The following NCAM1 variants were observed in gnomAD, a reference collection of about 807,000 sequenced individuals.
NCAM1 encodes the protein antigen recognized by monoclonal antibody 5.1H11.
NCAM1 carries 14 observed loss-of-function variants against 109.8 expected under a neutral mutation model. The observed-to-expected ratio is 0.13, with a 90% CI of 0.08 to 0.20. NCAM1 has a LOEUF of 0.20. Among genes scored for constraint, NCAM1 ranks in the 10% least tolerant of loss-of-function variants. NCAM1 has a pLI of 1.00. For missense variants in NCAM1, 774 were observed against 1,109.9 expected (o/e 0.70, Z 4.30); for synonymous variants, 418 against 442.9 (o/e 0.94, Z 0.70).
intron 1 of NCAM1, 127 bp downstream of exon 1, chr11:112,961,791 C>A: frequency 1.5e-6 from 1 of 682,000 alleles, no homozygotes; most frequent in Non-Finnish European, 2.5e-6. Context: ...TTTCGTTTAG[C>A]TGTGAAAGGA....
chr11:113,008,399 T>C (rs114121766), intron 1 of NCAM1, among the ~76,000 whole-genome samples: 1,711 of 152,316 alleles, frequency 0.011, 27 homozygotes, highest in African/African-American at 0.039. Flanking sequence ...TACATGGCTA[T>C]AATGAATGTA....
intron 1 of NCAM1, among the ~76,000 whole-genome samples, chr11:113,191,729 A>G (rs2136723991): frequency 6.6e-6 from 1 of 151,238 alleles, no homozygotes; most frequent in Middle Eastern, 3.4e-3. Context: ...GTACATACAT[A>G]GATATACACA....
intron 1 of NCAM1, among the ~76,000 whole-genome samples, chr11:112,982,719 G>A (rs17114644): frequency 0.02 from 2,977 of 151,942 alleles, 67 homozygotes; most frequent in East Asian, 0.095. Flanking sequence ...CAGGTGAGGC[G>A]CATGGTAAGA....
At chr11:113,200,495 T>C (rs1216113647) in intron 1 of NCAM1, among the ~76,000 whole-genome samples, 7 of 152,206 alleles carry the variant, frequency 4.6e-5, no homozygotes, top group Non-Finnish European at 7.3e-5. Flanking sequence ...TGGAAACGTT[T>C]TGCCCTCTGT....
At chr11:113,123,298 A>G (rs1270734079) in intron 1 of NCAM1, among the ~76,000 whole-genome samples, 3 of 152,212 alleles carry the variant, frequency 2.0e-5, no homozygotes, top group Non-Finnish European at 4.4e-5. Flanking sequence ...TATTGTATGT[A>G]TGCATCAAAA....
At chr11:113,225,182 T>C (rs1214097411) in intron 9 of NCAM1, among the ~76,000 whole-genome samples, 1 of 151,886 alleles carries the variant, frequency 6.6e-6, no homozygotes, top group Non-Finnish European at 1.5e-5. Context: ...TCAAAAACCT[T>C]GAAAAAAGAT....
At chr11:113,150,928 G>A (rs782194487) in intron 1 of NCAM1, among the ~76,000 whole-genome samples, 1 of 152,160 alleles carries the variant, frequency 6.6e-6, no homozygotes, top group Non-Finnish European at 1.5e-5. Flanking sequence ...TTATGGGAGA[G>A]GAAGCCCAGA....
chr11:113,104,308 G>T (rs1419364428), intron 1 of NCAM1, among the ~76,000 whole-genome samples: 1 of 151,626 alleles, frequency 6.6e-6, no homozygotes, highest in Admixed American at 6.6e-5. Context: ...GATTTATACT[G>T]CCCTACTACA....
chr11:113,146,672 C>A lies in NCAM1; in HGVS notation c.53-55707C>A, dbSNP rs1265201861. Among the ~76,000 whole-genome samples, 3 of 152,306 alleles carry A rather than the reference C, an allele frequency of 2.0e-5. No homozygotes were observed. The East Asian group carries it at 5.8e-4, about 29-fold the overall frequency. ...GCTTCTAGTGAATGATTGTGAGATA[C>A]TGGGGCCAGGGCAGCGATGGAGTTG... On this transcript the variant is annotated intron_variant, in intron 1 of 19. Coordinates refer to ENST00000316851, the MANE Select transcript of NCAM1 (RefSeq NM_181351.5).
At chr11:113,150,777 A>G (rs782555761) in intron 1 of NCAM1, among the ~76,000 whole-genome samples, 8 of 152,148 alleles carry the variant, frequency 5.3e-5, no homozygotes, top group Non-Finnish European at 1.2e-4. Context: ...GTATCAGGAG[A>G]CCTTGTGAAG....
intron 1 of NCAM1, among the ~76,000 whole-genome samples, chr11:113,048,195 G>C (rs1436027998): frequency 6.6e-6 from 1 of 152,188 alleles, no homozygotes; most frequent in Non-Finnish European, 1.5e-5. Flanking sequence ...TTAAAATATT[G>C]AGGAGGGAAA....
At chr11:113,184,103 A>G (rs747196267) in intron 1 of NCAM1, among the ~76,000 whole-genome samples, 10 of 152,240 alleles carry the variant, frequency 6.6e-5, no homozygotes, top group Non-Finnish European at 1.5e-4. Flanking sequence ...TTTTCTTTAA[A>G]GTGAAGCAAA....
At chr11:112,968,751 G>C (rs549371547) in intron 1 of NCAM1, among the ~76,000 whole-genome samples, 1 of 152,284 alleles carries the variant, frequency 6.6e-6, no homozygotes, top group East Asian at 1.9e-4. Flanking sequence ...TGGGTGGTTG[G>C]GGAGGTGAAG....
intron 1 of NCAM1, among the ~76,000 whole-genome samples, chr11:113,142,722 G>C (rs1236503900): frequency 2.0e-5 from 3 of 152,128 alleles, no homozygotes; most frequent in African/African-American, 7.2e-5. Context: ...TCTGCCATCT[G>C]CTGCTGTCTT....
At chr11:113,192,637 G>A (rs375205875) in intron 1 of NCAM1, among the ~76,000 whole-genome samples, 38 of 152,146 alleles carry the variant, frequency 2.5e-4, no homozygotes, top group African/African-American at 8.4e-4. Flanking sequence ...GGACAGAGCA[G>A]GCAAAGAGGA....
rs2137817573 is a variant in NCAM1 at position 113,274,953 on chromosome 11, C to A, written c.2457-314C>A. Among the ~76,000 whole-genome samples, 1 of 152,342 alleles carries A rather than the reference C, an allele frequency of 6.6e-6. No individual in the cohort carries two copies. The highest frequency in any genetic ancestry group is 1.9e-4 in the East Asian group (1 of 5,176). The stretch of plus-strand genomic sequence containing the variant: ...CCCCAGGTAAAAACACAGCCTCTGG[C>A]ATCAACTTAGGGCTGGAAGAGGAAA... On this transcript the variant is annotated intron_variant, in intron 19 of 19. Coordinates refer to ENST00000316851, the MANE Select transcript of NCAM1 (RefSeq NM_181351.5). The surrounding 1 kb of genome is among the most constrained non-coding windows in gnomAD (Gnocchi z 4.1).
intron 1 of NCAM1, among the ~76,000 whole-genome samples, chr11:113,044,114 G>A (rs1016714274): frequency 2.0e-5 from 3 of 152,130 alleles, no homozygotes; most frequent in South Asian, 2.1e-4. Flanking sequence ...AGTTTGAATC[G>A]TTTCTCCCCA....
chr11:113,153,872 G>A (rs537839180), intron 1 of NCAM1, among the ~76,000 whole-genome samples: 3 of 152,322 alleles, frequency 2.0e-5, no homozygotes, highest in African/African-American at 7.2e-5. Context: ...ACCACAATGA[G>A]CCCTAGTTTC....
intron 1 of NCAM1, among the ~76,000 whole-genome samples, chr11:113,151,396 G>A (rs782145757): frequency 1.1e-4 from 16 of 152,190 alleles, no homozygotes; most frequent in Non-Finnish European, 2.1e-4. Flanking sequence ...GACCATCTTC[G>A]TGATCCTGAA....
Sources: allele counts gnomAD v4.1 joint callset (sites outside exome capture counted in the v4.1 genomes callset), GRCh38; gene constraint gnomAD v4.1.1; non-coding constraint Gnocchi (gnomAD v3.1); transcripts MANE v1.5; gene names NCBI Gene and HGNC (gene_info 2026-07-23, HGNC 2026-07-21).